Variants in LINGO2 observed in about 807,000 individuals in gnomAD.
LINGO2 encodes leucine-rich repeat and immunoglobulin-like domain-containing nogo receptor-interacting protein 2.
A neutral mutation model predicts 30.6 loss-of-function variants in LINGO2; 14 were observed. The observed-to-expected ratio is 0.46, with a 90% CI of 0.30 to 0.72. The LOEUF (loss-of-function observed/expected upper bound fraction) is 0.72, where lower values mean the gene tolerates loss of function less well. LINGO2 is among the 30% of genes least tolerant of loss of function. The pLI is 0.07. For synonymous variants in LINGO2, 317 were observed against 288.5 expected, an observed-to-expected ratio of 1.10 and a Z score of -1.00; for missense variants, 729 against 751.7, an observed-to-expected ratio of 0.97 and a Z score of 0.35.
intron 5 of LINGO2, among the ~76,000 whole-genome samples, chr9:28,008,767 C>G (rs1822397842): frequency 6.6e-6 from 1 of 151,986 alleles, no homozygotes; most frequent in Non-Finnish European, 1.5e-5. Context: ...CATTAAAGGC[C>G]TAAGCATATG....
At chr9:28,382,625 A>T (rs907636835) in intron 2 of LINGO2, among the ~76,000 whole-genome samples, 1 of 152,118 alleles carries the variant, frequency 6.6e-6, no homozygotes, top group African/African-American at 2.4e-5. Flanking sequence ...TAAAATCTTC[A>T]TACAGGATAT....
At chr9:27,975,673 T>A (rs1430146957) in intron 5 of LINGO2, among the ~76,000 whole-genome samples, 1 of 152,146 alleles carries the variant, frequency 6.6e-6, no homozygotes, top group Non-Finnish European at 1.5e-5. Context: ...TGTAACCAAA[T>A]GTAATACATT....
chr9:29,179,991 A>T, the LINGO2 span, among the ~76,000 whole-genome samples: 1 of 152,220 alleles, frequency 6.6e-6, no homozygotes. Context: ...GCCTTTATTG[A>T]AAAACACATT....
At chr9:28,056,789 G>A (rs972947345) in intron 4 of LINGO2, among the ~76,000 whole-genome samples, 1 of 152,162 alleles carries the variant, frequency 6.6e-6, no homozygotes. Flanking sequence ...GAGAAGCTAA[G>A]TTGTTAGGCA....
chr9:28,087,914 T>G (rs564048070), intron 4 of LINGO2, among the ~76,000 whole-genome samples: 20 of 152,108 alleles, frequency 1.3e-4, no homozygotes, highest in African/African-American at 4.8e-4. Context: ...AAGAAACTCT[T>G]TGGTTTCAGC....
At chr9:28,164,356 T>C (rs1478185178) in intron 4 of LINGO2, among the ~76,000 whole-genome samples, 1 of 152,202 alleles carries the variant, frequency 6.6e-6, no homozygotes, top group Non-Finnish European at 1.5e-5. Context: ...ATTTGTCGAA[T>C]GTTACTACTT....
At chr9:28,664,527 G>A (rs566355044) in intron 1 of LINGO2, among the ~76,000 whole-genome samples, 20 of 152,146 alleles carry the variant, frequency 1.3e-4, no homozygotes, top group African/African-American at 4.8e-4. Flanking sequence ...AACATTTTGA[G>A]ATAAGATAAA....
chr9:28,759,828 C>T, the LINGO2 span, among the ~76,000 whole-genome samples: 1,872 of 152,076 alleles, frequency 0.012, 44 homozygotes, highest in African/African-American at 0.04. Context: ...AGCAATATAG[C>T]TTCTAATGAT....
At chr9:28,805,066 A>G in the LINGO2 span, among the ~76,000 whole-genome samples, 1 of 152,152 alleles carries the variant, frequency 6.6e-6, no homozygotes, top group Non-Finnish European at 1.5e-5. Flanking sequence ...CACTGGTCCC[A>G]AGTCTATAGT....
At chr9:28,202,652 A>G (rs1820277986) in intron 4 of LINGO2, among the ~76,000 whole-genome samples, 1 of 152,166 alleles carries the variant, frequency 6.6e-6, no homozygotes, top group African/African-American at 2.4e-5. Context: ...ATCAATGCAG[A>G]AAAACCCTGG....
the LINGO2 span, among the ~76,000 whole-genome samples, chr9:29,130,233 AGCTGAAGCTT>A: frequency 6.6e-6 from 1 of 152,184 alleles, no homozygotes; most frequent in Admixed American, 6.6e-5. Context: ...TTACTGGTTA[AGCTGAAGCTT>A]ACCCTATCAG....
At chr9:28,341,861 A>C (rs1253658155) in intron 3 of LINGO2, among the ~76,000 whole-genome samples, 1 of 152,120 alleles carries the variant, frequency 6.6e-6, no homozygotes, top group Non-Finnish European at 1.5e-5. Flanking sequence ...AAAACACCAC[A>C]TACCCACAAT....
At chr9:28,506,131 C>A (rs2135337354) in intron 1 of LINGO2, among the ~76,000 whole-genome samples, 1 of 151,500 alleles carries the variant, frequency 6.6e-6, no homozygotes, top group East Asian at 1.9e-4. Context: ...TTGATCTTCA[C>A]AGCAACATAC....
At chr9:28,757,177 A>G in the LINGO2 span, among the ~76,000 whole-genome samples, 1 of 152,068 alleles carries the variant, frequency 6.6e-6, no homozygotes, top group Non-Finnish European at 1.5e-5. Flanking sequence ...GATAAGATAC[A>G]CTTAAATCAT....
At chr9:28,096,063 C>T (rs571632438) in intron 4 of LINGO2, among the ~76,000 whole-genome samples, 18 of 152,190 alleles carry the variant, frequency 1.2e-4, no homozygotes, top group Admixed American at 1.1e-3. Flanking sequence ...ATCACTTGAG[C>T]CCAGAGGTTC....
At chr9:28,651,014 C>A (rs1828075791) in intron 1 of LINGO2, among the ~76,000 whole-genome samples, 1 of 151,778 alleles carries the variant, frequency 6.6e-6, no homozygotes, top group Non-Finnish European at 1.5e-5. Flanking sequence ...CACGATGAAA[C>A]CCTGTCTCCA....
chr9:28,533,267 G>T (rs932217002), intron 1 of LINGO2, among the ~76,000 whole-genome samples: 2 of 152,062 alleles, frequency 1.3e-5, no homozygotes, highest in African/African-American at 4.8e-5. Flanking sequence ...CCAGTAGTTT[G>T]CCTGGGGCTT....
At chr9:28,210,930 T>G (rs922494109) in intron 4 of LINGO2, among the ~76,000 whole-genome samples, 3 of 151,540 alleles carry the variant, frequency 2.0e-5, no homozygotes, top group Non-Finnish European at 4.4e-5. Flanking sequence ...AGCCAAGAAC[T>G]GAGATCCAGC....
intron 1 of LINGO2, among the ~76,000 whole-genome samples, chr9:28,563,310 T>C (rs1397211793): frequency 6.6e-6 from 1 of 152,104 alleles, no homozygotes; most frequent in Non-Finnish European, 1.5e-5. Context: ...GGAATATCAA[T>C]AAATTAAAAT....
Sources: allele counts gnomAD v4.1 joint callset (sites outside exome capture counted in the v4.1 genomes callset), GRCh38; gene constraint gnomAD v4.1.1; transcripts MANE v1.5; gene names NCBI Gene and HGNC (gene_info 2026-07-23, HGNC 2026-07-21).